The following PPFIA1 variants were observed in gnomAD, a reference collection of about 807,000 sequenced individuals.
PPFIA1 encodes the protein PPFI scaffold protein A1.
PPFIA1 carries 25 observed loss-of-function variants against 149.9 expected under a neutral mutation model. The ratio of observed to expected loss-of-function variants is 0.17; its 90% CI spans 0.12 to 0.23. The LOEUF (loss-of-function observed/expected upper bound fraction) is 0.23, where lower values mean the gene tolerates loss of function less well. PPFIA1 is among the 10% of genes least tolerant of loss of function. PPFIA1 has a pLI of 1.00. For synonymous variants in PPFIA1, 549 were observed against 552.8 expected (o/e 0.99, Z 0.10); for missense variants, 1,362 against 1,506.5 (o/e 0.90, Z 1.59).
Position 70,326,585 on chromosome 11 carries a change from TC to T in PPFIA1, c.709-7del. The T allele has an allele frequency of 6.3e-7, 1 of 1,584,674 alleles. No individual in the cohort carries two copies. Among genetic ancestry groups the T allele is most frequent in the Non-Finnish European group, 8.6e-7 (1 of 1,163,370 alleles). ...ACAAGGGTATTTAAGGATTTTTTTT[TC>T]CCCCTATCAGAGATCTTCTGATGGT... On this transcript the variant is annotated splice_polypyrimidine_tract_variant and intron_variant, in intron 6 of 27. Transcript: ENST00000253925.
chr11:70,290,221 C>A (rs1041180921), intron 2 of PPFIA1, among the ~76,000 whole-genome samples: 5 of 146,252 alleles, frequency 3.4e-5, no homozygotes, highest in Non-Finnish European at 7.6e-5. Context: ...TAGAGCAAAA[C>A]CTTGTGTAAA....
chr11:70,330,126 A>G (rs369825639), intron 7 of PPFIA1, 47 bp from the exon 8 acceptor site: 113 of 1,494,966 alleles, frequency 7.6e-5, no homozygotes, highest in African/African-American at 1.1e-4. Flanking sequence ...TTAATGTGTA[A>G]TCGTTAATTA....
chr11:70,306,371 G>T (rs1378482466), intron 2 of PPFIA1, among the ~76,000 whole-genome samples: 3 of 152,054 alleles, frequency 2.0e-5, no homozygotes, highest in Admixed American at 6.6e-5. Flanking sequence ...GACGCAGCAG[G>T]TTCATTTCTA....
At chr11:70,305,233 A>C (rs1196704074) in intron 2 of PPFIA1, among the ~76,000 whole-genome samples, 1 of 152,206 alleles carries the variant, frequency 6.6e-6, no homozygotes, top group East Asian at 1.9e-4. Flanking sequence ...AAAGGGGAGA[A>C]AACATAGGTT....
chr11:70,325,391 T>C, intron 4 of PPFIA1, 109 bp from the exon 5 acceptor site: 1 of 585,280 alleles, frequency 1.7e-6, no homozygotes, highest in Non-Finnish European at 2.8e-6. Flanking sequence ...TATTATGTTA[T>C]ATTACACTAA....
intron 14 of PPFIA1, chr11:70,341,208 G>A (rs894535180): frequency 2.5e-5 from 8 of 322,384 alleles, no homozygotes; most frequent in Non-Finnish European, 4.8e-5. Context: ...GTGGGACTCA[G>A]GGCGGCCCTG....
chr11:70,330,923 C>T (rs767342173), intron 8 of PPFIA1, among the ~76,000 whole-genome samples: 4 of 151,990 alleles, frequency 2.6e-5, no homozygotes, highest in Admixed American at 6.6e-5. Flanking sequence ...GGCCACAGAA[C>T]GAGACCCCGT....
chr11:70,316,675 G>A (rs1411102252), intron 2 of PPFIA1, among the ~76,000 whole-genome samples: 2 of 152,152 alleles, frequency 1.3e-5, no homozygotes, highest in Non-Finnish European at 2.9e-5. Flanking sequence ...GAGGGCCCAG[G>A]CACCCACGTG....
chr11:70,362,989 CACATTTTATAATTA>C (rs2056738851), intron 21 of PPFIA1: 1 of 152,344 alleles, frequency 6.6e-6, no homozygotes, highest in African/African-American at 2.4e-5. Flanking sequence ...ATTTTAAGGA[CACATTTTATAATTA>C]AATGTTTTGA....
At chr11:70,343,954 G>A in intron 15 of PPFIA1, 62 bp downstream of exon 15, 2 of 1,401,874 alleles carry the variant, frequency 1.4e-6, no homozygotes, top group Admixed American at 1.9e-5. Flanking sequence ...ATCTCATCTT[G>A]CCTGGAAAAG....
At chr11:70,359,835 G>A (rs1437697034) in intron 19 of PPFIA1, among the ~76,000 whole-genome samples, 3 of 152,266 alleles carry the variant, frequency 2.0e-5, no homozygotes, top group Non-Finnish European at 2.9e-5. Flanking sequence ...AAGGAGGAAT[G>A]TAGTTGTTCA....
chr11:70,355,823 T>C lies in PPFIA1; in HGVS notation c.2488+12T>C. The C allele has an allele frequency of 6.2e-7, 1 of 1,601,730 alleles. No homozygotes were observed. Among genetic ancestry groups the C allele is most frequent in the Non-Finnish European group, 8.5e-7 (1 of 1,174,998 alleles). On this transcript the variant is annotated intron_variant, in intron 18 of 27. Coordinates refer to ENST00000253925, the MANE Select transcript of PPFIA1 (RefSeq NM_003626.5). ...AGCATTAGGACAAGGTTGGTTGGTT[T>C]TCCGCACCCTTCTCAGCACCCAGGG...
chr11:70,354,147 TG>T, intron 16 of PPFIA1, 153 bp from the exon 17 acceptor site: 1 of 731,738 alleles, frequency 1.4e-6, no homozygotes, highest in Non-Finnish European at 2.2e-6. Flanking sequence ...CTGTGCTGCG[TG>T]GCCCTTCAGA....
chr11:70,323,931 C>G (rs995177009), intron 2 of PPFIA1, among the ~76,000 whole-genome samples: 4 of 152,114 alleles, frequency 2.6e-5, no homozygotes, highest in Admixed American at 6.5e-5. Context: ...CCATTGCACT[C>G]TAGCCTGGGT....
intron 2 of PPFIA1, among the ~76,000 whole-genome samples, chr11:70,275,887 C>T (rs939528470): frequency 6.6e-6 from 1 of 152,150 alleles, no homozygotes; most frequent in African/African-American, 2.4e-5. Flanking sequence ...TGGTGTCAAG[C>T]GATCCTCTCA....
chr11:70,337,436 ATCT>A lies in PPFIA1; in HGVS notation c.1491+13_1491+15del, dbSNP rs756296425. ...AAACACAACACGATAAGGTACTGAA[ATCT>A]TCTCTAAATCCATGAAGAGCCAAGT... On this transcript the variant is annotated intron_variant, in intron 12 of 27. Transcript: ENST00000253925. 6 of 1,575,444 alleles carry A rather than the reference ATCT, an allele frequency of 3.8e-6. No individual in the cohort carries two copies. The East Asian group carries it at 9.1e-5, about 24-fold the overall frequency.
chr11:70,365,971 GGA>G (rs1484412816), intron 21 of PPFIA1: 1 of 456,582 alleles, frequency 2.2e-6, no homozygotes, highest in South Asian at 1.5e-5. Flanking sequence ...GGCTCAGGTT[GGA>G]GTCTTTCTCT....
At chr11:70,371,087 G>A (rs376031967) in intron 21 of PPFIA1, among the ~76,000 whole-genome samples, 3 of 152,128 alleles carry the variant, frequency 2.0e-5, no homozygotes, top group African/African-American at 7.2e-5. Flanking sequence ...ATCCGAGGTC[G>A]CGCTACTGCA....
chr11:70,291,411 G>T (rs2051515834), intron 2 of PPFIA1, among the ~76,000 whole-genome samples: 1 of 152,184 alleles, frequency 6.6e-6, no homozygotes, highest in Admixed American at 6.5e-5. Context: ...AACTTCACTT[G>T]TGATTAAGTG....
Sources: allele counts gnomAD v4.1 joint callset (sites outside exome capture counted in the v4.1 genomes callset), GRCh38; gene constraint gnomAD v4.1.1; transcripts MANE v1.5; gene names NCBI Gene and HGNC (gene_info 2026-07-23, HGNC 2026-07-21).